Variants in CNTN6 observed in about 807,000 individuals in gnomAD.
The protein encoded by CNTN6 is contactin 6.
CNTN6 carries 137 observed loss-of-function variants against 122.8 expected under a neutral mutation model. The ratio of observed to expected loss-of-function variants is 1.12; its 90% CI spans 0.97 to 1.29. The LOEUF (loss-of-function observed/expected upper bound fraction) is 1.29. Ranked by LOEUF, CNTN6 falls within the 50% of genes most tolerant of loss-of-function variation. CNTN6 has a pLI of 0.00. For missense variants in CNTN6, 1,634 were observed against 1,223.4 expected (o/e 1.34, Z -5.01); for synonymous variants, 570 against 426.0 (o/e 1.34, Z -4.16).
intron 1 of CNTN6, among the ~76,000 whole-genome samples, chr3:1,107,203 G>C (rs1015823557): frequency 3.3e-5 from 5 of 152,038 alleles, no homozygotes; most frequent in Admixed American, 1.3e-4. Context: ...TGATCACAAT[G>C]ATACTAGTAA....
intron 2 of CNTN6, among the ~76,000 whole-genome samples, chr3:1,219,977 GTGC>G (rs879281144): frequency 0.23 from 34,832 of 151,636 alleles, 4,832 homozygotes; most frequent in African/African-American, 0.38. Flanking sequence ...AATTCAGCCT[GTGC>G]AACAGAATGA....
chr3:1,305,433 T>G (rs1698198805), intron 7 of CNTN6, among the ~76,000 whole-genome samples: 1 of 152,246 alleles, frequency 6.6e-6, no homozygotes, highest in Admixed American at 6.5e-5. Context: ...CTCTCAGCTT[T>G]GTCTCATTTG....
At chr3:1,225,018 G>T (rs1392433926) in intron 3 of CNTN6, among the ~76,000 whole-genome samples, 1 of 152,082 alleles carries the variant, frequency 6.6e-6, no homozygotes, top group Admixed American at 6.6e-5. Flanking sequence ...AAAGTGCTGG[G>T]ATTACAGGCG....
intron 1 of CNTN6, among the ~76,000 whole-genome samples, chr3:1,106,873 T>G (rs1292668307): frequency 6.6e-6 from 1 of 152,130 alleles, no homozygotes; most frequent in Non-Finnish European, 1.5e-5. Context: ...ATATATCATT[T>G]TGGTCAATAA....
At chr3:1,377,353 A>G (rs915999508) in intron 17 of CNTN6, among the ~76,000 whole-genome samples, 1 of 152,108 alleles carries the variant, frequency 6.6e-6, no homozygotes, top group Non-Finnish European at 1.5e-5. Flanking sequence ...TTATCGCTTG[A>G]TGAATTAGGC....
At chr3:1,293,425 C>T (rs941659145) in intron 5 of CNTN6, among the ~76,000 whole-genome samples, 1 of 152,020 alleles carries the variant, frequency 6.6e-6, no homozygotes, top group Admixed American at 6.6e-5. Context: ...AAATAGCTGT[C>T]AGTTTGTTTT....
intron 4 of CNTN6, among the ~76,000 whole-genome samples, chr3:1,235,968 T>C (rs1009158531): frequency 5.3e-5 from 8 of 152,004 alleles, no homozygotes; most frequent in Non-Finnish European, 1.0e-4. Context: ...TGGTGAACTG[T>C]ATGACTCAGC....
intron 4 of CNTN6, among the ~76,000 whole-genome samples, chr3:1,228,231 T>C (rs1470807393): frequency 6.6e-6 from 1 of 152,188 alleles, no homozygotes; most frequent in Non-Finnish European, 1.5e-5. Flanking sequence ...GTGAATTATT[T>C]TTAGAAACAT....
At chr3:1,108,460 A>C (rs1475117970) in intron 1 of CNTN6, among the ~76,000 whole-genome samples, 2 of 152,062 alleles carry the variant, frequency 1.3e-5, no homozygotes, top group African/African-American at 4.8e-5. Context: ...GATGTGTCAC[A>C]TGAGGTCAGG....
intron 1 of CNTN6, among the ~76,000 whole-genome samples, chr3:1,093,490 G>A (rs937886280): frequency 2.0e-5 from 3 of 151,986 alleles, no homozygotes; most frequent in East Asian, 3.9e-4. Context: ...TTTCTGTAAC[G>A]GCAGATGGGA....
At position 1,098,789 on chromosome 3, in the gene CNTN6, C is replaced by CATATATATATAT. The variant is rs1169127167; in HGVS notation, c.-83+5687_-83+5698dup. Among the ~76,000 whole-genome samples, 461 of 63,086 alleles carry CATATATATATAT rather than the reference C, an allele frequency of 7.3e-3. 5 individuals are homozygous for CATATATATATAT. The highest frequency in any genetic ancestry group is 0.027 in the East Asian group (41 of 1,522). 41.4% of individuals were successfully genotyped at this position (63,086 alleles called of 152,430 possible). A position where few individuals can be genotyped will look rare whatever the true frequency, so the allele number is the denominator to read the frequency against. On this transcript the variant is annotated intron_variant, in intron 1 of 22. Coordinates refer to ENST00000446702, the MANE Select transcript of CNTN6 (RefSeq NM_001289080.2). ...ACACACACACACACACACACACACA[C>CATATATATATAT]ATATATATATATATATATATATATA...
intron 8 of CNTN6, among the ~76,000 whole-genome samples, chr3:1,322,271 G>A (rs1252176533): frequency 6.6e-6 from 1 of 151,440 alleles, no homozygotes; most frequent in East Asian, 1.9e-4. Flanking sequence ...TTCATATTTT[G>A]TCTACTCATA....
At chr3:1,132,447 G>C (rs2092360795) in intron 1 of CNTN6, among the ~76,000 whole-genome samples, 1 of 151,928 alleles carries the variant, frequency 6.6e-6, no homozygotes, top group Admixed American at 6.6e-5. Context: ...AATGTGGGCT[G>C]GGTATGGTGG....
chr3:1,393,584 G>C (rs1032961776), intron 20 of CNTN6, among the ~76,000 whole-genome samples: 2 of 144,192 alleles, frequency 1.4e-5, no homozygotes, highest in East Asian at 4.1e-4. Context: ...AGAAACTCTT[G>C]TGTGTAATTC....
chr3:1,366,916 C>G (rs1284638021), intron 12 of CNTN6, among the ~76,000 whole-genome samples: 1 of 152,156 alleles, frequency 6.6e-6, no homozygotes, highest in Non-Finnish European at 1.5e-5. Context: ...TACTTCTTTT[C>G]AAATACAGTC....
chr3:1,243,191 G>A (rs1021877424), intron 4 of CNTN6, among the ~76,000 whole-genome samples: 1 of 152,162 alleles, frequency 6.6e-6, no homozygotes, highest in South Asian at 2.1e-4. Context: ...GTGGGTTCCT[G>A]CACAGATGGG....
intron 17 of CNTN6, among the ~76,000 whole-genome samples, chr3:1,382,404 C>T (rs1020761495): frequency 7.9e-5 from 12 of 152,164 alleles, no homozygotes; most frequent in African/African-American, 2.7e-4. Context: ...GCACACATGT[C>T]ACTACCAATG....
intron 2 of CNTN6, among the ~76,000 whole-genome samples, chr3:1,151,680 C>T (rs867433563): frequency 6.6e-6 from 1 of 152,108 alleles, no homozygotes; most frequent in East Asian, 1.9e-4. Flanking sequence ...TAGTCCCTGC[C>T]CTCTTCAACC....
chr3:1,238,354 TATA>T (rs1336726165), intron 4 of CNTN6, among the ~76,000 whole-genome samples: 2 of 152,176 alleles, frequency 1.3e-5, no homozygotes, highest in African/African-American at 4.8e-5. Flanking sequence ...AGGGACATTA[TATA>T]ATGATAAAAG....
Sources: gnomAD v4.1 joint callset for allele counts (sites outside exome capture counted in the v4.1 genomes callset) on GRCh38, gnomAD v4.1.1 for gene constraint, MANE v1.5 for transcripts, NCBI Gene and HGNC (gene_info 2026-07-23, HGNC 2026-07-21) for gene names.